Variants in MAPK10 observed in about 807,000 individuals in gnomAD.
MAPK10 encodes the protein JNK3 alpha protein kinase.
MAPK10 carries 25 observed loss-of-function variants against 59.3 expected under a neutral mutation model. The observed-to-expected ratio is 0.42, with a 90% CI of 0.31 to 0.59. MAPK10 has a LOEUF of 0.59. Among genes scored for constraint, MAPK10 ranks in the 20% least tolerant of loss-of-function variants. MAPK10 has a pLI of 0.15. For missense variants in MAPK10, 351 were observed against 568.9 expected (o/e 0.62, Z 3.90); for synonymous variants, 190 against 200.5 (o/e 0.95, Z 0.44).
intron 1 of MAPK10, among the ~76,000 whole-genome samples, chr4:86,489,271 A>G (rs1754270883): frequency 6.6e-6 from 1 of 152,176 alleles, no homozygotes; most frequent in African/African-American, 2.4e-5. Flanking sequence ...TCTTGGGATA[A>G]TTATTTATGC....
At chr4:86,529,430 GGCCCCACTCAT>G (rs1438387841) in intron 1 of MAPK10, among the ~76,000 whole-genome samples, 1 of 152,120 alleles carries the variant, frequency 6.6e-6, no homozygotes, top group Non-Finnish European at 1.5e-5. Context: ...CACCTAGAAA[GGCCCCACTCAT>G]GCCTTCTCCA....
At chr4:86,190,081 A>T (rs2079302506) in intron 3 of MAPK10, among the ~76,000 whole-genome samples, 1 of 152,160 alleles carries the variant, frequency 6.6e-6, no homozygotes, top group African/African-American at 2.4e-5. Flanking sequence ...ACACCCTTGC[A>T]TCCCAGGGAT....
intron 11 of MAPK10, among the ~76,000 whole-genome samples, chr4:86,042,266 T>A (rs1185570495): frequency 2.6e-5 from 4 of 152,166 alleles, no homozygotes; most frequent in Non-Finnish European, 4.4e-5. Flanking sequence ...AAGTGAGAGT[T>A]GAACAATGAG....
intron 3 of MAPK10, among the ~76,000 whole-genome samples, chr4:86,186,196 T>G (rs934551921): frequency 6.6e-6 from 1 of 152,086 alleles, no homozygotes; most frequent in Non-Finnish European, 1.5e-5. Context: ...CTTTTATAAA[T>G]AAAGAAACTG....
rs1742948610 is a variant in MAPK10 at position 86,015,397 on chromosome 4, C to T, written c.*1831G>A. 1 of 152,168 alleles carries T rather than the reference C, an allele frequency of 6.6e-6. No individual in the cohort carries two copies. Among genetic ancestry groups the T allele is most frequent in the Non-Finnish European group, 1.5e-5 (1 of 68,034 alleles). 9.4% of individuals were successfully genotyped at this position (152,168 alleles called of 1,614,324 possible). A position where few individuals can be genotyped will look rare whatever the true frequency, so the allele number is the denominator to read the frequency against. On this transcript the variant is annotated 3_prime_UTR_variant, in exon 14 of 14. Coordinates refer to ENST00000641462, the MANE Select transcript of MAPK10 (RefSeq NM_138982.4). ...TCTGTTTTGGGGATATTCTATTTGC[C>T]AATCAGTTCACACTCATCAACCATC...
chr4:86,288,110 C>T (rs2095088926), intron 2 of MAPK10, among the ~76,000 whole-genome samples: 1 of 152,140 alleles, frequency 6.6e-6, no homozygotes, highest in Non-Finnish European at 1.5e-5. Flanking sequence ...CTCTGGACCT[C>T]AGCTTCACCA....
intron 1 of MAPK10, among the ~76,000 whole-genome samples, chr4:86,428,237 A>G (rs912469409): frequency 1.3e-5 from 2 of 151,814 alleles, no homozygotes; most frequent in African/African-American, 4.8e-5. Context: ...TCAACCTCTC[A>G]GGCTAAAATG....
chr4:86,330,966 A>C (rs2096138844), intron 2 of MAPK10, among the ~76,000 whole-genome samples: 1 of 152,188 alleles, frequency 6.6e-6, no homozygotes, highest in South Asian at 2.1e-4. Context: ...CTCATCTTAG[A>C]ATTATAGCAC....
At chr4:86,148,321 T>C (rs2065501640) in intron 4 of MAPK10, among the ~76,000 whole-genome samples, 1 of 152,168 alleles carries the variant, frequency 6.6e-6, no homozygotes, top group Non-Finnish European at 1.5e-5. Context: ...ATGGCAAGCA[T>C]GTCAAGAGCA....
intron 1 of MAPK10, among the ~76,000 whole-genome samples, chr4:86,447,917 AAT>A (rs1460426065): frequency 1.6e-4 from 24 of 152,256 alleles, no homozygotes; most frequent in Admixed American, 5.2e-4. Context: ...CTAATGAGAG[AAT>A]ATGTCAGCTC....
chr4:86,535,972 TG>T (rs1758210411), intron 1 of MAPK10, among the ~76,000 whole-genome samples: 1 of 152,176 alleles, frequency 6.6e-6, no homozygotes, highest in African/African-American at 2.4e-5. Context: ...AATCATAAGA[TG>T]TAACCCAGAA....
intron 3 of MAPK10, among the ~76,000 whole-genome samples, chr4:86,169,576 A>C (rs147073172): frequency 0.011 from 1,744 of 152,284 alleles, 34 homozygotes; most frequent in African/African-American, 0.04. Context: ...AAAAGACCAA[A>C]TCTACATCTG....
chr4:86,353,566 G>T (rs765860357), intron 2 of MAPK10, among the ~76,000 whole-genome samples: 1 of 152,120 alleles, frequency 6.6e-6, no homozygotes, highest in Non-Finnish European at 1.5e-5. Flanking sequence ...GATGCTATTA[G>T]ATCTGCTTTC....
Position 86,067,861 on chromosome 4 carries a change from C to G in MAPK10, c.897G>C (p.Glu299Asp). Residue 299 changes from glutamate (E) to aspartate (D), a missense_variant, in exon 10 of 14, where the codon GAG becomes GAC. This residue lies in a region of MAPK10 where 155 missense variants were observed against 204.2 expected (regional missense o/e 0.76). Coordinates refer to ENST00000641462, the MANE Select transcript of MAPK10 (RefSeq NM_138982.4). ...TGAGTCCCGCATACTTGGGCCGATTCTCCACATAGTTTCTTACTGTGGGTT... is the reference window on the plus strand; with the variant it reads ...TGAGTCCCGCATACTTGGGCCGATTGTCCACATAGTTTCTTACTGTGGGTT... ...KLQPTVRNYV[E>D]NRPKYAGLTF... The G allele has an allele frequency of 6.2e-7, 1 of 1,614,020 alleles. No individual in the cohort carries two copies. The highest frequency in any genetic ancestry group is 8.5e-7 in the Non-Finnish European group (1 of 1,179,960).
At chr4:86,336,584 A>G (rs1578453395) in intron 2 of MAPK10, 1 of 152,202 alleles carries the variant, frequency 6.6e-6, no homozygotes, top group African/African-American at 2.4e-5. Context: ...GTCTTTGCTC[A>G]ATGACATGCC....
At chr4:86,354,323 C>T (rs550015815) in intron 2 of MAPK10, among the ~76,000 whole-genome samples, 2 of 152,232 alleles carry the variant, frequency 1.3e-5, no homozygotes, top group African/African-American at 2.4e-5. Flanking sequence ...TGCACCCATG[C>T]ACCTCAAGAC....
intron 2 of MAPK10, among the ~76,000 whole-genome samples, chr4:86,283,111 C>G (rs2094876376): frequency 6.6e-6 from 1 of 152,152 alleles, no homozygotes; most frequent in Non-Finnish European, 1.5e-5. Flanking sequence ...ACTGGTTTAG[C>G]AGGAGTTTTA....
rs369316830 is a variant in MAPK10, at chr4:86,569,149, GAC to G, written c.-263+24759_-263+24760del. Among the ~76,000 whole-genome samples, 1,354 of 152,124 alleles carry G rather than the reference GAC, an allele frequency of 8.9e-3. 18 individuals are homozygous for G. The highest frequency in any genetic ancestry group is 0.031 in the African/African-American group (1,307 of 41,524). The stretch of plus-strand genomic sequence containing the variant: ...AAAAAGTAGGCAGAGGACGTGAACA[GAC>G]ACTTATCAAAAAAAGACATACAAGC... On this transcript the variant is annotated intron_variant, in intron 1 of 4. Coordinates refer to the MAPK10 transcript ENST00000502302.
At chr4:86,062,321 C>T (rs1052217982) in intron 11 of MAPK10, among the ~76,000 whole-genome samples, 2 of 152,036 alleles carry the variant, frequency 1.3e-5, no homozygotes, top group Non-Finnish European at 2.9e-5. Context: ...CTATCCGTGC[C>T]CCAGCATGAC....
Sources: allele counts gnomAD v4.1 joint callset (sites outside exome capture counted in the v4.1 genomes callset), GRCh38; gene constraint gnomAD v4.1.1; regional missense constraint gnomAD v4.1.1; transcripts MANE v1.5; gene names NCBI Gene and HGNC (gene_info 2026-07-23, HGNC 2026-07-21).